Variants in CPM observed in about 807,000 individuals in gnomAD.
The protein encoded by CPM is carboxypeptidase M, also known as renal carboxypeptidase.
Under a neutral mutation model 46.4 loss-of-function variants are expected in CPM, and 35 were observed. The ratio of observed to expected loss-of-function variants is 0.75; its 90% CI spans 0.58 to 1.00. The LOEUF is 1.00. CPM is among the 50% of genes least tolerant of loss of function. The pLI, the probability that CPM is intolerant of heterozygous loss-of-function variation, is 0.00. For synonymous variants in CPM, 195 were observed against 195.3 expected, an observed-to-expected ratio of 1.00 and a Z score of 0.01; for missense variants, 422 against 530.4, an observed-to-expected ratio of 0.80 and a Z score of 2.01.
downstream of CPM, chr12:68,848,210 TCTTG>T (rs1444828082): frequency 9.2e-5 from 14 of 152,248 alleles, no homozygotes; most frequent in African/African-American, 2.2e-4. Context: ...TGAGATGGCG[TCTTG>T]CTCTGTTGCC....
rs61926293 is a variant in CPM at position 68,913,999 on chromosome 12, A to G, written c.160+18679T>C. 6.7e-3 allele frequency: 4,806 copies of G among 718,898 alleles called. 35 individuals carry two copies. The highest frequency in any genetic ancestry group is 9.3e-3 in the Non-Finnish European group (3,523 of 379,236). The allele number at this position is 718,898 out of a possible 1,614,324, so 44.5% of individuals were successfully genotyped here. A position where few individuals can be genotyped will look rare whatever the true frequency, so the allele number is the denominator to read the frequency against. On this transcript the variant is annotated intron_variant, in intron 2 of 8. Coordinates refer to ENST00000551568, the MANE Select transcript of CPM (RefSeq NM_198320.5). ...AGCTACACAGATATTATTATCAAAG[A>G]AAACCTCAAGGACTGCGGCCTCTTC...
chr12:68,927,182 A>G lies in CPM; in HGVS notation c.160+5496T>C, dbSNP rs534183501. On this transcript the variant is annotated intron_variant, in intron 2 of 8. Coordinates refer to ENST00000551568, the MANE Select transcript of CPM (RefSeq NM_198320.5). ...TGAACTAGTTTACAGTCCCACCAAC[A>G]GTGTAAAAGTGTTCCTATTTCTCCA... is the stretch of plus-strand genomic sequence containing the variant. 1.2e-3 allele frequency among the ~76,000 whole-genome samples: 181 copies of G among 151,526 alleles called. No homozygotes were observed. In the Middle Eastern group the frequency reaches 0.014, roughly 11 times the overall value.
intron 3 of CPM, among the ~76,000 whole-genome samples, chr12:68,877,395 C>A (rs1328103881): frequency 1.3e-5 from 2 of 152,270 alleles, no homozygotes; most frequent in South Asian, 4.1e-4. Context: ...TCAAGACTAT[C>A]CTGAGGAAGA....
At chr12:68,927,488 C>A (rs1020876282) in intron 2 of CPM, among the ~76,000 whole-genome samples, 2 of 151,786 alleles carry the variant, frequency 1.3e-5, no homozygotes, top group Admixed American at 6.6e-5. Context: ...GAGTAGGTTG[C>A]GAAAATTTTC....
intron 3 of CPM, among the ~76,000 whole-genome samples, chr12:68,875,220 G>A (rs541884572): frequency 6.6e-6 from 1 of 151,964 alleles, no homozygotes; most frequent in Non-Finnish European, 1.5e-5. Flanking sequence ...GCATGGTGGT[G>A]GGCACCTGTA....
intron 2 of CPM, among the ~76,000 whole-genome samples, chr12:68,902,021 T>C (rs1207982868): frequency 6.6e-6 from 1 of 152,162 alleles, no homozygotes; most frequent in Admixed American, 6.5e-5. Context: ...GACCAAACCT[T>C]TGTTGCTTTA....
At chr12:68,936,604 G>A (rs1044503069), upstream of CPM, among the ~76,000 whole-genome samples, 19 of 152,040 alleles carry the variant, frequency 1.2e-4, no homozygotes, top group African/African-American at 4.1e-4. Flanking sequence ...GGATGGTCTC[G>A]AACTCCTGGC....
At chr12:68,904,306 A>G (rs1238915232) in intron 2 of CPM, among the ~76,000 whole-genome samples, 1 of 152,240 alleles carries the variant, frequency 6.6e-6, no homozygotes, top group Non-Finnish European at 1.5e-5. Flanking sequence ...CCGTCTCATA[A>G]TGGACTGATG....
upstream of CPM, among the ~76,000 whole-genome samples, chr12:68,937,760 T>G (rs977020308): frequency 6.6e-6 from 1 of 152,250 alleles, no homozygotes; most frequent in Non-Finnish European, 1.5e-5. Flanking sequence ...ATGTTTTAAT[T>G]TTCTTTTTTA....
chr12:68,930,416 T>A (rs1449173033), intron 2 of CPM, among the ~76,000 whole-genome samples: 5 of 152,152 alleles, frequency 3.3e-5, no homozygotes, highest in African/African-American at 1.2e-4. Flanking sequence ...TTATCTTACA[T>A]CAGAGGGCAG....
At chr12:68,914,924 G>A (rs559729928) in intron 2 of CPM, among the ~76,000 whole-genome samples, 1 of 151,954 alleles carries the variant, frequency 6.6e-6, no homozygotes, top group African/African-American at 2.4e-5. Context: ...TGTAAAACAG[G>A]GATAATACTA....
downstream of CPM, chr12:68,847,581 G>T (rs1281279361): frequency 6.8e-6 from 1 of 147,792 alleles, no homozygotes; most frequent in African/African-American, 2.5e-5. Flanking sequence ...AGCCTCCCGA[G>T]TAGCTGGGAC....
At chr12:68,892,529 C>T (rs1388969180) in intron 2 of CPM, among the ~76,000 whole-genome samples, 1 of 152,174 alleles carries the variant, frequency 6.6e-6, no homozygotes, top group East Asian at 1.9e-4. Context: ...TCTCCCTGCA[C>T]TCAGTTTGAA....
intron 3 of CPM, among the ~76,000 whole-genome samples, chr12:68,873,198 AAAAGATTT>A (rs1204803511): frequency 6.6e-6 from 1 of 152,196 alleles, no homozygotes; most frequent in Admixed American, 6.5e-5. Context: ...ACTGTGCAAG[AAAAGATTT>A]CATGGAGCCT....
chr12:68,944,706 C>T (rs1431037866), intron 1 of CPM, among the ~76,000 whole-genome samples: 1 of 132,074 alleles, frequency 7.6e-6, no homozygotes, highest in Non-Finnish European at 1.6e-5. Flanking sequence ...GGCTCCTTCA[C>T]CTTGTTTTTT....
chr12:68,950,170 G>T (rs1359576480), intron 1 of CPM, among the ~76,000 whole-genome samples: 1 of 152,146 alleles, frequency 6.6e-6, no homozygotes, highest in African/African-American at 2.4e-5. Context: ...CTAAAAGAAG[G>T]TGAATAACTG....
At chr12:68,903,742 T>C (rs1887213143) in intron 2 of CPM, among the ~76,000 whole-genome samples, 1 of 152,220 alleles carries the variant, frequency 6.6e-6, no homozygotes, top group Middle Eastern at 3.4e-3. Flanking sequence ...AGGTGCCATA[T>C]TCAGAGGCCT....
chr12:68,939,466 T>C (rs1254319246), intron 1 of CPM, among the ~76,000 whole-genome samples: 1 of 151,630 alleles, frequency 6.6e-6, no homozygotes, highest in African/African-American at 2.4e-5. Context: ...CTGATTAATG[T>C]CTTACAGGGT....
intron 1 of CPM, among the ~76,000 whole-genome samples, chr12:68,958,945 G>T (rs547939032): frequency 6.6e-6 from 1 of 152,054 alleles, no homozygotes; most frequent in Non-Finnish European, 1.5e-5. Context: ...CTCCTAAGTC[G>T]TCCCATGTCT....
Sources: gnomAD v4.1 joint callset for allele counts (sites outside exome capture counted in the v4.1 genomes callset) on GRCh38, gnomAD v4.1.1 for gene constraint, MANE v1.5 for transcripts, NCBI Gene and HGNC (gene_info 2026-07-23, HGNC 2026-07-21) for gene names.